The following CHST15 variants were observed in gnomAD, a reference collection of about 807,000 sequenced individuals.
CHST15 encodes the protein carbohydrate sulfotransferase 15, also known as B cell RAG associated protein (GALNAC4S-6ST).
A neutral mutation model predicts 53.6 loss-of-function variants in CHST15; 30 were observed. The ratio of observed to expected loss-of-function variants is 0.56; its 90% CI spans 0.42 to 0.76. The LOEUF is 0.76. Among genes scored for constraint, CHST15 ranks in the 30% least tolerant of loss-of-function variants. The pLI is 0.00. For missense variants in CHST15, 627 were observed against 740.5 expected, an observed-to-expected ratio of 0.85 and a Z score of 1.78; for synonymous variants, 296 against 289.8, an observed-to-expected ratio of 1.02 and a Z score of -0.22.
intron 1 of CHST15, among the ~76,000 whole-genome samples, chr10:124,090,333 C>T (rs1455148587): frequency 6.6e-6 from 1 of 152,222 alleles, no homozygotes; most frequent in Non-Finnish European, 1.5e-5. Flanking sequence ...TGTAGATGGG[C>T]ATGTGCTCAC....
chr10:124,010,960 C>T (rs1307801250), intron 7 of CHST15: 1 of 985,012 alleles, frequency 1.0e-6, no homozygotes, highest in African/African-American at 1.7e-5. Context: ...TCAGTCACCC[C>T]CACGCCCCGC....
chr10:124,011,871 G>A (rs1232960730), intron 7 of CHST15: 2 of 984,794 alleles, frequency 2.0e-6, no homozygotes. Flanking sequence ...TAAGCCCCAA[G>A]TCCTCTGCTC....
At position 124,045,964 on chromosome 10, in the gene CHST15, A is replaced by C. The variant is rs1947986584; in HGVS notation, c.249T>G (p.Val83=). Residue 83 remains valine, a synonymous_variant, in exon 2 of 8, where the codon GTT becomes GTG. Transcript: ENST00000435907. ...CCAAGGTCATTATTATCAGTCCAAA[A>C]ACGAGGCTACATCGCTTCCCCTTTT... ...RFKKGKRCSL[V]FGLIIMTLVM... The C allele has an allele frequency of 6.2e-7, 1 of 1,614,136 alleles. No homozygotes were observed. The highest frequency in any genetic ancestry group is 8.5e-7 in the Non-Finnish European group (1 of 1,180,036).
chr10:124,044,743 C>G lies in CHST15; in HGVS notation c.723G>C (p.Ala241=). The change falls in exon 3 of 8, where the codon GCG becomes GCC. Residue 241 remains alanine, a synonymous_variant. Transcript: ENST00000435907. ...ALRKAFWGHL[A]HAHGKHFRLR... ...GGCGGAAGTGCTTCCCGTGCGCGTG[C>G]GCCAGGTGGCCCCAGAAGGCCTTGC... 1 of 1,613,074 alleles carries G rather than the reference C, an allele frequency of 6.2e-7. No homozygotes were observed. Among genetic ancestry groups the G allele is most frequent in the Non-Finnish European group, 8.5e-7 (1 of 1,179,582 alleles).
intron 3 of CHST15, 142 bp downstream of exon 3, chr10:124,044,438 T>G: frequency 1.5e-6 from 1 of 677,038 alleles, no homozygotes. Context: ...GCTGGGTCTT[T>G]GCCTGGGAAC....
chr10:124,012,598 C>T lies in CHST15; in HGVS notation c.1348-118G>A, dbSNP rs1946451266. The stretch of plus-strand genomic sequence containing the variant: ...CAAAAGAGTTATCCTAGCAAAGTTA[C>T]TTTCAGAAGCTGGATTTTAACACAA... On this transcript the variant is annotated intron_variant, in intron 6 of 7. Coordinates refer to ENST00000435907, the MANE Select transcript of CHST15 (RefSeq NM_001270764.2). The T allele has an allele frequency of 2.6e-6, 3 of 1,153,700 alleles. No individual in the cohort carries two copies. The South Asian group carries it at 5.1e-5, about 20-fold the overall frequency. The allele number at this position is 1,153,700 out of a possible 1,614,324, so 71.5% of individuals were successfully genotyped here. A position where few individuals can be genotyped will look rare whatever the true frequency, so the allele number is the denominator to read the frequency against.
Position 124,031,496 on chromosome 10 carries a change from T to C in CHST15, c.1190+7019A>G, listed in dbSNP as rs1313441652. 2.6e-5 allele frequency among the ~76,000 whole-genome samples: 4 copies of C among 152,150 alleles called. No individual in the cohort carries two copies. The East Asian group carries it at 5.8e-4, about 22-fold the overall frequency. ...TGTACCGCAGGAATCCTGTGAGCAG[T>C]TGTAACATAAGAGTTAGAATTTATG... On this transcript the variant is annotated intron_variant, in intron 5 of 7. Transcript: ENST00000435907.
chr10:124,048,507 T>C (rs993973157), intron 1 of CHST15, among the ~76,000 whole-genome samples: 1 of 152,186 alleles, frequency 6.6e-6, no homozygotes, highest in East Asian at 1.9e-4. Context: ...TGGAGGGACA[T>C]GTCAGAAACC....
intron 1 of CHST15, among the ~76,000 whole-genome samples, chr10:124,070,113 G>A (rs1948867420): frequency 6.6e-6 from 1 of 152,156 alleles, no homozygotes; most frequent in African/African-American, 2.4e-5. Flanking sequence ...TCTTTGCAAT[G>A]GAAAGTAGTT....
intron 1 of CHST15, among the ~76,000 whole-genome samples, chr10:124,057,436 T>G (rs1029155996): frequency 1.3e-5 from 2 of 152,184 alleles, no homozygotes; most frequent in Non-Finnish European, 2.9e-5. Context: ...ACCTACTATG[T>G]GCAGGGCTTG....
chr10:124,015,890 G>A (rs4244798), intron 6 of CHST15, among the ~76,000 whole-genome samples: 4 of 152,020 alleles, frequency 2.6e-5, no homozygotes, highest in South Asian at 4.1e-4. Context: ...AAGTCTCCCC[G>A]ACCCCAGAGG....
chr10:124,061,072 G>A (rs138002241), intron 1 of CHST15, among the ~76,000 whole-genome samples: 2 of 152,288 alleles, frequency 1.3e-5, no homozygotes, highest in South Asian at 2.1e-4. Context: ...GTGGGGTGAC[G>A]TGGCTTGCCC....
At position 124,045,952 on chromosome 10, in the gene CHST15, T is replaced by C; in HGVS notation, c.261A>G (p.Ile87Met). 1 of 1,614,094 alleles carries C rather than the reference T, an allele frequency of 6.2e-7. No homozygotes were observed. The highest frequency in any genetic ancestry group is 8.5e-7 in the Non-Finnish European group (1 of 1,180,012). Reference sequence around the variant, plus strand: ...AAGAAGCCATTACCAAGGTCATTATTATCAGTCCAAAAACGAGGCTACATC... The same window carrying C: ...AAGAAGCCATTACCAAGGTCATTATCATCAGTCCAAAAACGAGGCTACATC... ...GKRCSLVFGL[I>M]IMTLVMASYI... is the part of the protein sequence containing the mutation. Residue 87 changes from isoleucine (I) to methionine (M), a missense_variant, in exon 2 of 8, where the codon ATA (isoleucine) becomes ATG (methionine). Coordinates refer to ENST00000435907, the MANE Select transcript of CHST15 (RefSeq NM_001270764.2).
At position 124,021,245 on chromosome 10, in the gene CHST15, G is replaced by T. The variant is rs748939209; in HGVS notation, c.1347+11C>A. ...GCCAGCTCGGGGGGTACGGGGGGGG[G>T]GGGTACACACAGGCATGGCGTTGTT... On this transcript the variant is annotated intron_variant, in intron 6 of 7. Transcript: ENST00000435907. 41 of 1,568,854 alleles carry T rather than the reference G, an allele frequency of 2.6e-5. No homozygotes were observed. The highest frequency in any genetic ancestry group is 5.4e-5 in the African/African-American group (4 of 74,156).
intron 1 of CHST15, among the ~76,000 whole-genome samples, chr10:124,070,292 T>G (rs1461402656): frequency 6.6e-6 from 1 of 152,202 alleles, no homozygotes; most frequent in Non-Finnish European, 1.5e-5. Context: ...GGGATGTCAC[T>G]TCAGGAAGGT....
chr10:124,033,605 T>A (rs1318417803), intron 5 of CHST15, among the ~76,000 whole-genome samples: 1 of 152,230 alleles, frequency 6.6e-6, no homozygotes, highest in Non-Finnish European at 1.5e-5. Flanking sequence ...TGACTTCTAA[T>A]CTGCTAGCAG....
chr10:124,086,396 G>T (rs562306201), intron 1 of CHST15, among the ~76,000 whole-genome samples: 1 of 152,280 alleles, frequency 6.6e-6, no homozygotes, highest in South Asian at 2.1e-4. Flanking sequence ...TAACTTTCCT[G>T]TTGTCTATAC....
intron 1 of CHST15, among the ~76,000 whole-genome samples, chr10:124,063,276 G>A (rs763587859): frequency 2.1e-4 from 32 of 151,968 alleles, no homozygotes; most frequent in Non-Finnish European, 4.1e-4. Context: ...CCAGCTACTC[G>A]GGAGGCCGAG....
At chr10:124,014,538 G>A (rs1209859414) in intron 6 of CHST15, among the ~76,000 whole-genome samples, 2 of 152,118 alleles carry the variant, frequency 1.3e-5, no homozygotes, top group Non-Finnish European at 1.5e-5. Context: ...AGAACGTGCC[G>A]GTCTCAGAAA....
Sources: gnomAD v4.1 joint callset for allele counts (sites outside exome capture counted in the v4.1 genomes callset) on GRCh38, gnomAD v4.1.1 for gene constraint, MANE v1.5 for transcripts, NCBI Gene and HGNC (gene_info 2026-07-23, HGNC 2026-07-21) for gene names.